Variants in RIT2 observed in about 807,000 individuals in gnomAD.
RIT2 encodes GTP-binding protein Rit2.
Under a neutral mutation model 23.7 loss-of-function variants are expected in RIT2, and 24 were observed. That is an observed-to-expected ratio of 1.01 (90% CI 0.73 to 1.43). RIT2 has a LOEUF of 1.43. RIT2 is among the 40% of genes most tolerant of loss of function. RIT2 has a pLI of 0.00. For missense variants in RIT2, 236 were observed against 266.9 expected (o/e 0.88, Z 0.81); for synonymous variants, 107 against 91.1 (o/e 1.17, Z -0.99).
At chr18:42,926,772 C>T (rs1242111994) in intron 3 of RIT2, among the ~76,000 whole-genome samples, 1 of 151,946 alleles carries the variant, frequency 6.6e-6, no homozygotes, top group African/African-American at 2.4e-5. Context: ...TTCCAGCATA[C>T]ATACTTTAAA....
At chr18:43,070,133 G>T (rs1436643162) in intron 1 of RIT2, among the ~76,000 whole-genome samples, 6 of 152,050 alleles carry the variant, frequency 3.9e-5, no homozygotes, top group Non-Finnish European at 8.8e-5. Flanking sequence ...AAATAAGAGT[G>T]GGGGGACTTA....
intron 4 of RIT2, among the ~76,000 whole-genome samples, chr18:42,758,917 C>A (rs914358798): frequency 1.3e-5 from 2 of 152,058 alleles, no homozygotes; most frequent in Non-Finnish European, 2.9e-5. Context: ...TTGATTCTGA[C>A]CAGGACTTAA....
chr18:42,792,133 T>C (rs906392739), intron 4 of RIT2, among the ~76,000 whole-genome samples: 4 of 152,206 alleles, frequency 2.6e-5, no homozygotes, highest in African/African-American at 9.6e-5. Flanking sequence ...CGTTGATATA[T>C]ATTTAACCTT....
intron 4 of RIT2, among the ~76,000 whole-genome samples, chr18:42,775,231 T>C (rs1384377114): frequency 6.6e-6 from 1 of 152,164 alleles, no homozygotes; most frequent in Non-Finnish European, 1.5e-5. Context: ...TTAATAAGGC[T>C]AATCACTATG....
chr18:42,837,153 C>CTTTTCTTT (rs1568008832), intron 4 of RIT2, among the ~76,000 whole-genome samples: 10 of 51,702 alleles, frequency 1.9e-4, no homozygotes, highest in East Asian at 6.5e-4. Flanking sequence ...TTTTCTTTTT[C>CTTTTCTTT]TTTTTTTTTT....
chr18:42,876,393 C>A (rs1598694992), intron 4 of RIT2, among the ~76,000 whole-genome samples: 1 of 146,168 alleles, frequency 6.8e-6, no homozygotes. Flanking sequence ...AGTTGAGAAA[C>A]TATGTTCATG....
chr18:42,795,331 C>A (rs377116812), intron 4 of RIT2, among the ~76,000 whole-genome samples: 1 of 152,206 alleles, frequency 6.6e-6, no homozygotes, highest in African/African-American at 2.4e-5. Flanking sequence ...TTGGAACAGA[C>A]GGCCGACCCT....
At chr18:42,984,218 T>C (rs1394125708) in intron 2 of RIT2, among the ~76,000 whole-genome samples, 1 of 152,088 alleles carries the variant, frequency 6.6e-6, no homozygotes, top group Non-Finnish European at 1.5e-5. Flanking sequence ...CGGAATACTG[T>C]TGAATAATAA....
At chr18:43,071,846 C>T (rs4077459) in intron 1 of RIT2, among the ~76,000 whole-genome samples, 24,279 of 151,986 alleles carry the variant, frequency 0.16, 2,059 homozygotes, top group South Asian at 0.21. Flanking sequence ...ATCTATGAGT[C>T]AAAATCTGAC....
At chr18:42,892,626 C>T (rs1012377033) in intron 4 of RIT2, among the ~76,000 whole-genome samples, 1 of 152,124 alleles carries the variant, frequency 6.6e-6, no homozygotes, top group Non-Finnish European at 1.5e-5. Flanking sequence ...GAAGAAAATA[C>T]CCCAGTCATT....
chr18:42,871,269 T>C (rs1907615363), intron 4 of RIT2, among the ~76,000 whole-genome samples: 2 of 152,186 alleles, frequency 1.3e-5, no homozygotes, highest in African/African-American at 4.8e-5. Flanking sequence ...TGATATTATA[T>C]CTCAAAAACT....
At chr18:43,090,957 A>G (rs1464807530) in intron 1 of RIT2, among the ~76,000 whole-genome samples, 1 of 151,968 alleles carries the variant, frequency 6.6e-6, no homozygotes, top group Non-Finnish European at 1.5e-5. Flanking sequence ...AATAATCTGT[A>G]CAGCAAACCC....
chr18:42,958,028 A>G (rs920159540), intron 3 of RIT2, among the ~76,000 whole-genome samples: 2 of 152,120 alleles, frequency 1.3e-5, no homozygotes, highest in African/African-American at 4.8e-5. Context: ...CTGGTGGGTG[A>G]GTTAAAGAGG....
intron 4 of RIT2, among the ~76,000 whole-genome samples, chr18:42,908,658 C>G (rs1286649611): frequency 6.6e-6 from 1 of 152,084 alleles, no homozygotes; most frequent in Non-Finnish European, 1.5e-5. Flanking sequence ...AAAGAGCGGT[C>G]AATCCCAAAT....
At chr18:42,990,419 C>T (rs1219164304) in intron 2 of RIT2, among the ~76,000 whole-genome samples, 3 of 152,200 alleles carry the variant, frequency 2.0e-5, no homozygotes, top group Non-Finnish European at 4.4e-5. Context: ...TGCCTAGGCA[C>T]CCCATGGCCC....
chr18:42,752,175 G>A (rs1424246358), intron 4 of RIT2, among the ~76,000 whole-genome samples: 2 of 152,044 alleles, frequency 1.3e-5, no homozygotes, highest in African/African-American at 2.4e-5. Context: ...GTAATTTTTA[G>A]GACCACAGCA....
chr18:43,009,589 G>A (rs1911304768), intron 2 of RIT2, among the ~76,000 whole-genome samples: 1 of 151,516 alleles, frequency 6.6e-6, no homozygotes. Context: ...TCTTCTTCTT[G>A]GAACAGCCTG....
intron 4 of RIT2, among the ~76,000 whole-genome samples, chr18:42,806,100 A>AATATATATATATATATATAT (rs58214096): frequency 3.6e-5 from 5 of 140,034 alleles, no homozygotes; most frequent in African/African-American, 1.0e-4. Context: ...TAATAAAATT[A>AATATATATATATATATATAT]ATATATATAT....
At chr18:43,097,048 G>A (rs1913570521) in intron 1 of RIT2, among the ~76,000 whole-genome samples, 1 of 151,898 alleles carries the variant, frequency 6.6e-6, no homozygotes, top group Non-Finnish European at 1.5e-5. Context: ...TAACAAATAT[G>A]CAAGTGTCCC....
Sources: gnomAD v4.1 joint callset for allele counts (sites outside exome capture counted in the v4.1 genomes callset) on GRCh38, gnomAD v4.1.1 for gene constraint, MANE v1.5 for transcripts, NCBI Gene and HGNC (gene_info 2026-07-23, HGNC 2026-07-21) for gene names.